The following MRPL4 variants were observed in gnomAD, a reference collection of about 807,000 sequenced individuals.
MRPL4 encodes mitochondrial ribosomal protein L4.
A neutral mutation model predicts 34.1 loss-of-function variants in MRPL4; 34 were observed. The ratio of observed to expected loss-of-function variants is 1.00; its 90% CI spans 0.76 to 1.33. MRPL4 has a LOEUF of 1.33. MRPL4 is among the 40% of genes most tolerant of loss of function. MRPL4 has a pLI of 0.00. For synonymous variants in MRPL4, 196 were observed against 188.3 expected (o/e 1.04, Z -0.33); for missense variants, 402 against 434.6 (o/e 0.92, Z 0.67).
rs775051143 is a variant in MRPL4, at chr19:10,258,647, C to T, written c.701C>T (p.Thr234Ile). The T allele has an allele frequency of 1.9e-6, 3 of 1,614,062 alleles. No homozygotes were observed. The African/African-American group carries it at 4.0e-5, about 22-fold the overall frequency. Reference protein sequence around the residue: ...EEMPQSIVEATSRLKTFNLIP... With the variant: ...EEMPQSIVEAISRLKTFNLIP... ...ATGCCACAGAGCATCGTGGAGGCCACCTCTAGGCTTAAGACCTTCAACTTG... is the reference window on the plus strand; with the variant it reads ...ATGCCACAGAGCATCGTGGAGGCCATCTCTAGGCTTAAGACCTTCAACTTG... Residue 234 changes from threonine (T) to isoleucine (I), a missense_variant, in exon 8 of 9, where the codon ACC becomes ATC. Coordinates refer to ENST00000253099, the MANE Select transcript of MRPL4 (RefSeq NM_015956.3).
chr19:10,254,697 T>C, intron 4 of MRPL4, 57 bp downstream of exon 4: 1 of 1,597,922 alleles, frequency 6.3e-7, no homozygotes, highest in Non-Finnish European at 8.6e-7. Context: ...AGGTTGGGGA[T>C]AGGACCCAGA....
Position 10,252,477 on chromosome 19 carries a change from G to C in MRPL4, c.124+14G>C. 1 of 1,613,936 alleles carries C rather than the reference G, an allele frequency of 6.2e-7. No individual in the cohort carries two copies. Among genetic ancestry groups the C allele is most frequent in the Non-Finnish European group, 8.5e-7 (1 of 1,179,960 alleles). On this transcript the variant is annotated intron_variant, in intron 2 of 8. Coordinates refer to ENST00000253099, the MANE Select transcript of MRPL4 (RefSeq NM_015956.3). ...TGGCGAGCGAGGGTAAGGCAACCGG[G>C]GTGGCTCCAGGAGGGGCGGCGACAG...
intron 8 of MRPL4, chr19:10,259,098 CAAAAAAAAAAAA>C (rs35481360): frequency 2.8e-4 from 150 of 539,830 alleles, no homozygotes; most frequent in Admixed American, 1.1e-3. Flanking sequence ...ACTCTTGTCT[CAAAAAAAAAAAA>C]AAAAAAAAAA....
intron 3 of MRPL4, among the ~76,000 whole-genome samples, chr19:10,253,760 C>T (rs946157290): frequency 6.6e-6 from 1 of 151,380 alleles, no homozygotes; most frequent in African/African-American, 2.4e-5. Flanking sequence ...CTACTGCACT[C>T]CAGCCTGGGC....
Position 10,258,629 on chromosome 19 carries a change from A to G in MRPL4, c.683A>G (p.Gln228Arg), listed in dbSNP as rs777728766. 6.2e-7 allele frequency: 1 copy of G among 1,614,184 alleles called. No homozygotes were observed. The highest frequency in any genetic ancestry group is 1.1e-5 in the South Asian group (1 of 91,090). The change falls in exon 8 of 9, where the codon CAG (glutamine) becomes CGG (arginine). Residue 228 changes from glutamine to arginine, a missense_variant. Gln to Arg is a conservative substitution (Grantham distance 43, BLOSUM62 1). Coordinates refer to ENST00000253099, the MANE Select transcript of MRPL4 (RefSeq NM_015956.3). ...TACAGAACACACGAGGAGATGCCAC[A>G]GAGCATCGTGGAGGCCACCTCTAGG... Reference protein sequence around the residue: ...LVDLTHEEMPQSIVEATSRLK... With the variant: ...LVDLTHEEMPRSIVEATSRLK...
At position 10,259,587 on chromosome 19, in the gene MRPL4, CCCCCCGCCCCG is replaced by C. The variant is rs749484957; in HGVS notation, c.740-24_740-14del. 240 of 657,236 alleles carry C rather than the reference CCCCCCGCCCCG, an allele frequency of 3.7e-4. 5 individuals are homozygous for C. The highest frequency in any genetic ancestry group is 2.1e-3 in the Admixed American group (43 of 20,552). 40.7% of individuals were successfully genotyped at this position (657,236 alleles called of 1,614,324 possible). A position where few individuals can be genotyped will look rare whatever the true frequency, so the allele number is the denominator to read the frequency against. On this transcript the variant is annotated intron_variant, in intron 8 of 8. Transcript: ENST00000253099. ...AGAGAGGCAGCCCCGGCCTGACCGG[CCCCCCGCCCCG>C]CCCCCACCCCGCCCCCAGGCCTAAA... is the stretch of plus-strand genomic sequence containing the variant.
intron 8 of MRPL4, chr19:10,259,278 ACGTCAGGCCCTGCACGATGTGCCC>A (rs1263427503): frequency 2.0e-5 from 27 of 1,353,824 alleles, no homozygotes; most frequent in Non-Finnish European, 2.4e-5. Flanking sequence ...TCAGGGTGGC[ACGTCAGGCCCTGCACGATGTGCCC>A]CGTCACCTCC....
intron 8 of MRPL4, chr19:10,258,935 CTG>C (rs1288219030): frequency 7.0e-7 from 1 of 1,425,632 alleles, no homozygotes; most frequent in Non-Finnish European, 9.2e-7. Flanking sequence ...AGGCTCCCAT[CTG>C]TACTAAAAAT....
Position 10,259,692 on chromosome 19 carries a change from A to G in MRPL4, c.815A>G (p.Lys272Arg), listed in dbSNP as rs752317207. The G allele has an allele frequency of 4.3e-6, 7 of 1,612,710 alleles. No individual in the cohort carries two copies. Among genetic ancestry groups the G allele is most frequent in the African/African-American group, 2.7e-5 (2 of 74,722 alleles). The change falls in exon 9 of 9, where the codon AAG (lysine) becomes AGG (arginine). Residue 272 changes from lysine to arginine, a missense_variant. Physicochemically the swap from Lys to Arg is conservative, Grantham distance 26. Transcript: ENST00000253099. ...CCCACCGTCGCCTTCCTGGAGGACA[A>G]GCTGCTCTGGCAGGACTCACGTTAC... ...TLPTVAFLED[K>R]LLWQDSRYRP... is the part of the protein sequence containing the mutation.
In MRPL4 at chr19:10,258,346, C is replaced by G. The variant is rs1599254153; in HGVS notation, c.552+18C>G. The G allele has an allele frequency of 6.2e-7, 1 of 1,613,546 alleles. No homozygotes were observed. Among genetic ancestry groups the G allele is most frequent in the Non-Finnish European group, 8.5e-7 (1 of 1,179,646 alleles). ...TGGCCCAGGTACAGCCATGGGGGGG[C>G]CCAGACAGCTGCTAGAGGTGGGGCT... On this transcript the variant is annotated intron_variant, in intron 6 of 8. Transcript: ENST00000253099.
intron 5 of MRPL4, 40 bp downstream of exon 5, chr19:10,256,865 G>GAAACCCT: frequency 1.2e-6 from 1 of 842,938 alleles, no homozygotes. Flanking sequence ...GGGGTGGGGG[G>GAAACCCT]GCCAGGGAAG....
At chr19:10,252,807 C>T (rs550979749) in intron 3 of MRPL4, 106 bp downstream of exon 3, 3 of 1,399,060 alleles carry the variant, frequency 2.1e-6, no homozygotes, top group Non-Finnish European at 1.9e-6. Flanking sequence ...TGCTGTATTT[C>T]TACAGCCTCC....
chr19:10,252,343 A>T, intron 1 of MRPL4, 33 bp downstream of exon 1: 1 of 1,612,758 alleles, frequency 6.2e-7, no homozygotes. Flanking sequence ...TGGTCGAAGG[A>T]TGAAATTTGG....
At chr19:10,259,472 GGCC>G in intron 8 of MRPL4, 142 bp from the exon 9 acceptor site, 1 of 1,448,106 alleles carries the variant, frequency 6.9e-7, no homozygotes, top group Non-Finnish European at 9.1e-7. Flanking sequence ...GGCAGGGTCT[GGCC>G]CCGGGCTGCT....
intron 3 of MRPL4, among the ~76,000 whole-genome samples, chr19:10,253,470 CAAAA>C (rs571009042): frequency 9.7e-6 from 1 of 103,012 alleles, no homozygotes; most frequent in Admixed American, 1.2e-4. Flanking sequence ...CACTCTGTCT[CAAAA>C]AAAAAAAAAA....
chr19:10,259,688 G>T lies in MRPL4; in HGVS notation c.811G>T (p.Asp271Tyr). ...GCTGCCCACCGTCGCCTTCCTGGAG[G>T]ACAAGCTGCTCTGGCAGGACTCACG... ...LTLPTVAFLE[D>Y]KLLWQDSRYR... The change falls in exon 9 of 9, where the codon GAC becomes TAC. Residue 271 changes from aspartate (D) to tyrosine (Y), a missense_variant. By Grantham distance (160) the Asp-to-Tyr change is radical. Transcript: ENST00000253099. The T allele has an allele frequency of 1.9e-6, 3 of 1,612,966 alleles. No individual in the cohort carries two copies. Among genetic ancestry groups the T allele is most frequent in the Non-Finnish European group, 2.5e-6 (3 of 1,179,644 alleles).
upstream of MRPL4, chr19:10,252,164 AG>A (rs1479907489): frequency 6.4e-6 from 9 of 1,403,262 alleles, no homozygotes; most frequent in Middle Eastern, 2.5e-4. Context: ...CGCGGCGGGT[AG>A]GGCGGCGTCG....
chr19:10,258,799 C>G, intron 8 of MRPL4, 114 bp downstream of exon 8: 2 of 1,605,298 alleles, frequency 1.2e-6, no homozygotes, highest in East Asian at 2.2e-5. Context: ...TGACCACGCT[C>G]CCGGACCCAA....
chr19:10,256,698 G>C lies in MRPL4; in HGVS notation c.328-10G>C. The C allele has an allele frequency of 6.2e-7, 1 of 1,610,526 alleles. No homozygotes were observed. Among genetic ancestry groups the C allele is most frequent in the South Asian group, 1.1e-5 (1 of 90,962 alleles). On this transcript the variant is annotated splice_polypyrimidine_tract_variant and intron_variant, in intron 4 of 8. Transcript: ENST00000253099. ...CGTGGACCTGACCCCCCTCCTCTTT[G>C]TGCCTCCAGAGCTATGCCAAGACCA...
Sources: gnomAD v4.1 joint callset for allele counts (sites outside exome capture counted in the v4.1 genomes callset) on GRCh38, gnomAD v4.1.1 for gene constraint, MANE v1.5 for transcripts, NCBI Gene and HGNC (gene_info 2026-07-23, HGNC 2026-07-21) for gene names.